KHDRBS2: variants seen among roughly 807,000 people sequenced by gnomAD.
KHDRBS2 encodes KH RNA binding domain containing, signal transduction associated 2, also known as KH domain-containing, RNA-binding, signal transduction-associated protein 2.
A neutral mutation model predicts 44.3 loss-of-function variants in KHDRBS2; 26 were observed. The ratio of observed to expected loss-of-function variants is 0.59; its 90% confidence interval spans 0.43 to 0.81. The LOEUF (loss-of-function observed/expected upper bound fraction) is 0.81, where lower values mean the gene tolerates loss of function less well. Among genes scored for constraint, KHDRBS2 ranks in the 40% least tolerant of loss-of-function variants. The probability of loss-of-function intolerance (pLI) is 0.00; values close to 1 mark genes in which losing one functional copy is unlikely to be tolerated. For missense variants in KHDRBS2, 476 were observed against 433.1 expected (o/e 1.10, Z -0.88); for synonymous variants, 194 against 151.1 (o/e 1.28, Z -2.08).
In KHDRBS2 at chr6:62,129,861, C is replaced by T. The variant is rs570440521; in HGVS notation, c.219+47324G>A. Among the ~76,000 whole-genome samples the T allele has an allele frequency of 7.9e-5, 12 of 151,924 alleles. No homozygotes were observed. The South Asian group carries it at 2.5e-3, about 32-fold the overall frequency. ...GGTATTCTAGAATTTTAAGAAAATA[C>T]CATATAATAAAATTGCAATTATCAC... On this transcript the variant is annotated intron_variant, in intron 2 of 8. Coordinates refer to ENST00000281156, the MANE Select transcript of KHDRBS2 (RefSeq NM_152688.4).
intron 2 of KHDRBS2, among the ~76,000 whole-genome samples, chr6:62,142,480 T>C (rs2150099182): frequency 6.6e-6 from 1 of 152,210 alleles, no homozygotes; most frequent in African/African-American, 2.4e-5. Context: ...ATCAAACCAC[T>C]GTGTTCGTTT....
chr6:62,085,458 C>A (rs1798210604), intron 2 of KHDRBS2, among the ~76,000 whole-genome samples: 1 of 151,736 alleles, frequency 6.6e-6, no homozygotes, highest in Non-Finnish European at 1.5e-5. Flanking sequence ...GTTAAAGAAG[C>A]AAAGTGAGTT....
At chr6:62,053,468 T>C (rs1463418847) in intron 2 of KHDRBS2, among the ~76,000 whole-genome samples, 8 of 152,126 alleles carry the variant, frequency 5.3e-5, no homozygotes, top group Non-Finnish European at 8.8e-5. Context: ...GGTATACAAG[T>C]ATTTTAAGAT....
intron 2 of KHDRBS2, among the ~76,000 whole-genome samples, chr6:62,111,621 T>C (rs1204008369): frequency 2.0e-5 from 3 of 152,114 alleles, no homozygotes; most frequent in Non-Finnish European, 4.4e-5. Context: ...GCAGGATAGA[T>C]ACAGCAGCTC....
intron 2 of KHDRBS2, among the ~76,000 whole-genome samples, chr6:62,130,531 G>A (rs1810046797): frequency 2.0e-5 from 3 of 151,690 alleles, no homozygotes; most frequent in Non-Finnish European, 4.4e-5. Context: ...ATGAGCAATG[G>A]TATTTATAAA....
At chr6:62,253,355 T>C (rs1585435493) in intron 1 of KHDRBS2, among the ~76,000 whole-genome samples, 1 of 152,134 alleles carries the variant, frequency 6.6e-6, no homozygotes, top group East Asian at 1.9e-4. Flanking sequence ...CTGTCCTCTA[T>C]ATGGTCCTCC....
At chr6:62,129,755 C>T (rs1809839038) in intron 2 of KHDRBS2, among the ~76,000 whole-genome samples, 1 of 151,914 alleles carries the variant, frequency 6.6e-6, no homozygotes. Context: ...TTGACATGCT[C>T]TATAGCCATA....
At chr6:62,091,215 G>T (rs1799436697) in intron 2 of KHDRBS2, among the ~76,000 whole-genome samples, 1 of 152,100 alleles carries the variant, frequency 6.6e-6, no homozygotes, top group Non-Finnish European at 1.5e-5. Flanking sequence ...AAATCTTAGG[G>T]CTAGAAAGAA....
chr6:62,170,393 G>C (rs1008923558), intron 2 of KHDRBS2, among the ~76,000 whole-genome samples: 4 of 152,228 alleles, frequency 2.6e-5, no homozygotes, highest in Admixed American at 1.3e-4. Context: ...GAGCTTGATT[G>C]AAGGGGGCTC....
chr6:62,151,768 G>A (rs1002579591), intron 2 of KHDRBS2, among the ~76,000 whole-genome samples: 1 of 152,140 alleles, frequency 6.6e-6, no homozygotes, highest in South Asian at 2.1e-4. Flanking sequence ...ACTGTCAGTA[G>A]ATTGTCCTAG....
chr6:62,064,827 C>A (rs1793126633), intron 2 of KHDRBS2, among the ~76,000 whole-genome samples: 1 of 151,108 alleles, frequency 6.6e-6, no homozygotes, highest in African/African-American at 2.4e-5. Context: ...AAGAAACTAC[C>A]ATCAGAGTGA....
At chr6:62,136,960 C>G (rs1330127861) in intron 2 of KHDRBS2, among the ~76,000 whole-genome samples, 2 of 150,140 alleles carry the variant, frequency 1.3e-5, no homozygotes, top group Admixed American at 1.3e-4. Context: ...GATGCTAAAC[C>G]TCCTGTGACT....
the KHDRBS2 span, among the ~76,000 whole-genome samples, chr6:61,562,939 T>C: frequency 2.0e-5 from 3 of 152,150 alleles, no homozygotes; most frequent in Non-Finnish European, 2.9e-5. Context: ...TGTTTGGCTA[T>C]TTCAAAGGGA....
intron 6 of KHDRBS2, among the ~76,000 whole-genome samples, chr6:61,838,524 C>T (rs1793079231): frequency 6.6e-6 from 1 of 151,886 alleles, no homozygotes; most frequent in Middle Eastern, 3.2e-3. Context: ...ATCTTATTGT[C>T]TCTTCTAAGA....
chr6:61,799,715 T>C (rs1785958523), intron 6 of KHDRBS2, among the ~76,000 whole-genome samples: 1 of 152,038 alleles, frequency 6.6e-6, no homozygotes, highest in African/African-American at 2.4e-5. Flanking sequence ...TGTATTGAGA[T>C]AGTGCTTAGA....
chr6:62,265,217 C>T (rs1442185275), intron 1 of KHDRBS2, among the ~76,000 whole-genome samples: 1 of 151,888 alleles, frequency 6.6e-6, no homozygotes, highest in Non-Finnish European at 1.5e-5. Flanking sequence ...AGAAAATGAG[C>T]TATTTGATCT....
chr6:61,690,628 A>G (rs1767295217), intron 8 of KHDRBS2, among the ~76,000 whole-genome samples: 1 of 152,048 alleles, frequency 6.6e-6, no homozygotes. Context: ...TATGTTTATT[A>G]CTACTTAAAC....
rs74959910 is a variant in KHDRBS2 at position 61,931,188 on chromosome 6, T to C, written c.484-29817A>G. Among the ~76,000 whole-genome samples, 1,486 of 152,100 alleles carry C rather than the reference T, an allele frequency of 9.8e-3. 12 individuals carry two copies. Among genetic ancestry groups the C allele is most frequent in the Middle Eastern group, 0.021 (6 of 292 alleles). ...ACTACTTACGCATCTTCACTGAAAA[T>C]CACTATAAGAAAATAGGGCTTGATT... On this transcript the variant is annotated intron_variant, in intron 4 of 8. Transcript: ENST00000281156.
chr6:61,892,838 A>G (rs899315550), intron 6 of KHDRBS2, among the ~76,000 whole-genome samples: 2 of 152,202 alleles, frequency 1.3e-5, no homozygotes, highest in Non-Finnish European at 2.9e-5. Context: ...GGACATAGGC[A>G]TGGGCAAGGA....
Sources: allele counts gnomAD v4.1 joint callset (sites outside exome capture counted in the v4.1 genomes callset), GRCh38; gene constraint gnomAD v4.1.1; transcripts MANE v1.5; gene names NCBI Gene and HGNC (gene_info 2026-07-23, HGNC 2026-07-21).